CDCA7L: variants seen among roughly 807,000 people sequenced by gnomAD.
CDCA7L encodes the protein cell division cycle-associated 7-like protein.
Under a neutral mutation model 57.4 loss-of-function variants are expected in CDCA7L, and 44 were observed. That is an observed-to-expected ratio of 0.77 (90% CI 0.60 to 0.98). The LOEUF (loss-of-function observed/expected upper bound fraction) is 0.98, where lower values mean the gene tolerates loss of function less well. CDCA7L is among the 50% of genes least tolerant of loss of function. CDCA7L has a pLI of 0.00. For synonymous variants in CDCA7L, 236 were observed against 202.8 expected (o/e 1.16, Z -1.39); for missense variants, 644 against 580.6 (o/e 1.11, Z -1.12).
At chr7:21,918,557 T>A (rs1365433500) in intron 1 of CDCA7L, among the ~76,000 whole-genome samples, 1 of 152,220 alleles carries the variant, frequency 6.6e-6, no homozygotes, top group Admixed American at 6.5e-5. Context: ...AGAAGCTGGG[T>A]CACTTGACTG....
intron 1 of CDCA7L, among the ~76,000 whole-genome samples, chr7:21,932,196 G>C (rs1397999735): frequency 6.6e-6 from 1 of 152,150 alleles, no homozygotes; most frequent in African/African-American, 2.4e-5. Context: ...TGGATAGGAA[G>C]AATCAGTATC....
intron 1 of CDCA7L, among the ~76,000 whole-genome samples, chr7:21,924,382 T>G (rs1337602558): frequency 6.6e-6 from 1 of 152,126 alleles, no homozygotes; most frequent in Non-Finnish European, 1.5e-5. Flanking sequence ...TTAAGTGTTT[T>G]GAAAGCAATT....
At chr7:21,909,207 C>T (rs1295957880) in intron 3 of CDCA7L, among the ~76,000 whole-genome samples, 2 of 152,212 alleles carry the variant, frequency 1.3e-5, no homozygotes, top group Non-Finnish European at 2.9e-5. Flanking sequence ...CTCTGTTTTA[C>T]AAGTGAGAAC....
intron 1 of CDCA7L, chr7:21,944,750 CGCCTTCCAACGCT>C (rs2128072644): frequency 6.6e-6 from 1 of 152,234 alleles, no homozygotes; most frequent in African/African-American, 2.4e-5. Context: ...GGGCACTCTG[CGCCTTCCAACGCT>C]GGCGGCCCCG....
At position 21,908,260 on chromosome 7, in the gene CDCA7L, T is replaced by C. The variant is rs781750531; in HGVS notation, c.551A>G (p.Lys184Arg). ...NEKKTILERK[K>R]DCRQVIQRED... ...CCTTTGTATCACCTGTCTACAGTCT[T>C]TCTTTCTTTCAAGAATTGTTTTTTT... Residue 184 changes from lysine (K) to arginine (R), a missense_variant, in exon 4 of 10, where the codon AAA becomes AGA. By Grantham distance (26) the Lys-to-Arg change is conservative (BLOSUM62 2). Transcript: ENST00000406877. The C allele has an allele frequency of 5.6e-6, 9 of 1,613,598 alleles. No homozygotes were observed. The highest frequency in any genetic ancestry group is 1.7e-4 in the Middle Eastern group (1 of 6,056).
intron 1 of CDCA7L, among the ~76,000 whole-genome samples, chr7:21,921,702 A>G (rs1258829535): frequency 6.6e-6 from 1 of 152,128 alleles, no homozygotes; most frequent in African/African-American, 2.4e-5. Context: ...CAAAAATACA[A>G]AATTTCTCAA....
chr7:21,902,919 C>G, intron 9 of CDCA7L, 59 bp downstream of exon 9: 1 of 1,559,268 alleles, frequency 6.4e-7, no homozygotes, highest in South Asian at 1.2e-5. Flanking sequence ...CCCAGAGGGT[C>G]TCCTGTGCTC....
intron 1 of CDCA7L, among the ~76,000 whole-genome samples, chr7:21,918,225 T>G (rs1029786184): frequency 6.6e-6 from 1 of 152,204 alleles, no homozygotes; most frequent in African/African-American, 2.4e-5. Context: ...TTCAAAGATA[T>G]TTCAAAAGTA....
chr7:21,910,616 A>G lies in CDCA7L; in HGVS notation c.303+1001T>C, dbSNP rs141775091. ...GCATGTTTATTTTTTGCATAAATGTATGCTATTTTTAGCAGAAAACATTTC... is the reference window on the plus strand; with the variant it reads ...GCATGTTTATTTTTTGCATAAATGTGTGCTATTTTTAGCAGAAAACATTTC... On this transcript the variant is annotated intron_variant, in intron 3 of 9. Coordinates refer to ENST00000406877, the MANE Select transcript of CDCA7L (RefSeq NM_018719.5). Among the ~76,000 whole-genome samples, 3 of 152,302 alleles carry G rather than the reference A, an allele frequency of 2.0e-5. No homozygotes were observed. In the East Asian group the frequency reaches 5.8e-4, roughly 29 times the overall value.
intron 7 of CDCA7L, 64 bp downstream of exon 7, chr7:21,905,442 A>G (rs1420049729): frequency 1.3e-6 from 2 of 1,561,904 alleles, no homozygotes; most frequent in East Asian, 4.5e-5. Context: ...GTTTAAAAAC[A>G]AGTGAGATTT....
At chr7:21,908,069 G>A (rs940034335) in intron 4 of CDCA7L, 61 bp downstream of exon 4, 1 of 1,484,182 alleles carries the variant, frequency 6.7e-7, no homozygotes, top group Non-Finnish European at 8.9e-7. Flanking sequence ...GGTTCTGGGA[G>A]CCCAGCAACT....
chr7:21,945,888 C>A lies in CDCA7L; in HGVS notation c.-84G>T. The A allele has an allele frequency of 6.9e-7, 1 of 1,457,062 alleles. No homozygotes were observed. Among genetic ancestry groups the A allele is most frequent in the Non-Finnish European group, 9.2e-7 (1 of 1,086,286 alleles). The allele number at this position is 1,457,062 out of a possible 1,614,324, so 90.3% of individuals were successfully genotyped here. On this transcript the variant is annotated 5_prime_UTR_variant, in exon 1 of 10. Transcript: ENST00000406877. ...CACGGCCCGGCGCACCAAGAACGCC[C>A]CGCGCCCGAGCAGCTAGCGCGCTCC...
chr7:21,906,291 C>T lies in CDCA7L; in HGVS notation c.919G>A (p.Gly307Arg). Reference protein sequence around the residue: ...FYSFRRRKTIGGKCREYRRRH... With the variant: ...FYSFRRRKTIRGKCREYRRRH... ...TTCATGTATTAGTCAGAAAATACCC[C>T]AATTGTCTTCCTTCTTCGGAAGCTG... Residue 307 changes from glycine to arginine, a missense_variant and splice_region_variant, in exon 6 of 10, where the codon GGG becomes AGG. By Grantham distance (125) the Gly-to-Arg change is moderately radical. Transcript: ENST00000406877. The T allele has an allele frequency of 6.3e-7, 1 of 1,592,658 alleles. No individual in the cohort carries two copies. The highest frequency in any genetic ancestry group is 8.5e-7 in the Non-Finnish European group (1 of 1,170,168).
intron 6 of CDCA7L, 117 bp downstream of exon 6, chr7:21,906,172 T>G: frequency 1.1e-6 from 1 of 940,472 alleles, no homozygotes; most frequent in Non-Finnish European, 1.6e-6. Context: ...ATGCAAGTTC[T>G]CAGCTGCCGC....
chr7:21,909,610 A>AT, intron 3 of CDCA7L, among the ~76,000 whole-genome samples: 1 of 152,326 alleles, frequency 6.6e-6, no homozygotes, highest in South Asian at 2.1e-4. Context: ...TGATTTATCT[A>AT]TTTTTTAATA....
At chr7:21,939,963 C>CAAAAAAAAAAAAAAAAAAAAAAAAAAA (rs3062638) in intron 1 of CDCA7L, among the ~76,000 whole-genome samples, 1 of 115,844 alleles carries the variant, frequency 8.6e-6, no homozygotes. Context: ...AGCTTCAAAC[C>CAAAAAAAAAAAAAAAAAAAAAAAAAAA]AAAAAAAAAA....
intron 7 of CDCA7L, 99 bp downstream of exon 7, chr7:21,905,407 G>A (rs1785107773): frequency 7.4e-7 from 1 of 1,347,152 alleles, no homozygotes; most frequent in Non-Finnish European, 1.0e-6. Flanking sequence ...TGAGCCCTTG[G>A]TGAGATGGCA....
chr7:21,902,931 G>GCCTCAAGATTT (rs1339283648), intron 9 of CDCA7L, 47 bp downstream of exon 9: 1 of 1,591,236 alleles, frequency 6.3e-7, no homozygotes, highest in Non-Finnish European at 8.6e-7. Flanking sequence ...CCTGTGCTCA[G>GCCTCAAGATTT]CCTCAAGATT....
rs1184659291 is a variant in CDCA7L at position 21,908,148 on chromosome 7, G to C, written c.663C>G (p.Ile221Met). The change falls in exon 4 of 10, where the codon ATC becomes ATG. Residue 221 changes from isoleucine (I) to methionine (M), a missense_variant. Coordinates refer to ENST00000406877, the MANE Select transcript of CDCA7L (RefSeq NM_018719.5). ...GCCTCACCATGGCTTTGTTCTCCTT[G>C]ATGTTCATGGTCCTTTTCAGCAAAG... ...SDALLKRTMN[I>M]KENKAMLAQL... The C allele has an allele frequency of 6.4e-7, 1 of 1,560,664 alleles. No homozygotes were observed. Among genetic ancestry groups the C allele is most frequent in the Non-Finnish European group, 8.6e-7 (1 of 1,164,092 alleles).
Sources: gnomAD v4.1 joint callset for allele counts (sites outside exome capture counted in the v4.1 genomes callset) on GRCh38, gnomAD v4.1.1 for gene constraint, MANE v1.5 for transcripts, NCBI Gene and HGNC (gene_info 2026-07-23, HGNC 2026-07-21) for gene names.